The following ZNF638 variants were observed in gnomAD, a reference collection of about 807,000 sequenced individuals.
ZNF638 encodes CTCL tumor antigen se33-1.
Under a neutral mutation model 195.6 loss-of-function variants are expected in ZNF638, and 46 were observed. The observed-to-expected ratio is 0.24, with a 90% CI of 0.19 to 0.30. The LOEUF (loss-of-function observed/expected upper bound fraction) is 0.30, where lower values mean the gene tolerates loss of function less well. ZNF638 is among the 10% of genes least tolerant of loss of function. The pLI is 1.00. For missense variants in ZNF638, 2,440 were observed against 2,325.3 expected, an observed-to-expected ratio of 1.05 and a Z score of -1.01; for synonymous variants, 845 against 772.0, an observed-to-expected ratio of 1.09 and a Z score of -1.57.
intron 3 of ZNF638, among the ~76,000 whole-genome samples, chr2:71,357,604 C>T (rs547709993): frequency 3.3e-5 from 5 of 152,208 alleles, no homozygotes; most frequent in African/African-American, 1.2e-4. Context: ...AGGATTATAG[C>T]TACGTTAATT....
intron 2 of ZNF638, among the ~76,000 whole-genome samples, chr2:71,353,641 T>C (rs1558836684): frequency 6.6e-6 from 1 of 152,164 alleles, no homozygotes; most frequent in Non-Finnish European, 1.5e-5. Flanking sequence ...GAGAAGAGTA[T>C]ATCTTAAATA....
At chr2:71,398,080 T>C (rs2079931612) in intron 11 of ZNF638, among the ~76,000 whole-genome samples, 1 of 152,210 alleles carries the variant, frequency 6.6e-6, no homozygotes, top group Non-Finnish European at 1.5e-5. Context: ...ATTTTGCTTC[T>C]AGTTGATCCA....
At chr2:71,381,820 C>T (rs2079539523) in intron 10 of ZNF638, among the ~76,000 whole-genome samples, 1 of 151,994 alleles carries the variant, frequency 6.6e-6, no homozygotes, top group South Asian at 2.1e-4. Context: ...AAGTACACTC[C>T]ATTTTTTCTG....
At chr2:71,400,881 T>TA (rs1452299871) in intron 15 of ZNF638, among the ~76,000 whole-genome samples, 8 of 152,196 alleles carry the variant, frequency 5.3e-5, no homozygotes, top group Non-Finnish European at 1.5e-5. Flanking sequence ...GGAGATATGT[T>TA]AATGGTTAGA....
chr2:71,352,101 A>G (rs1201868844), intron 2 of ZNF638, among the ~76,000 whole-genome samples: 1 of 152,154 alleles, frequency 6.6e-6, no homozygotes, highest in Non-Finnish European at 1.5e-5. Flanking sequence ...GTCTGTCTTG[A>G]CTAGAATGAT....
chr2:71,354,736 A>G (rs1237205411), intron 2 of ZNF638, among the ~76,000 whole-genome samples: 1 of 1,716 alleles, frequency 5.8e-4, no homozygotes, highest in Non-Finnish European at 1.7e-3. Context: ...AAACTGTCTC[A>G]AAAAAAAAAG....
intron 1 of ZNF638, chr2:71,332,865 T>C (rs1573004943): frequency 6.6e-6 from 1 of 152,140 alleles, no homozygotes; most frequent in East Asian, 1.9e-4. Flanking sequence ...ATTGTAGTAG[T>C]TTAAAGGAGT....
In ZNF638 at chr2:71,350,190, G is replaced by A. The variant is rs749086176; in HGVS notation, c.1236G>A (p.Met412Ile). 6.2e-7 allele frequency: 1 copy of A among 1,611,510 alleles called. No individual in the cohort carries two copies. The highest frequency in any genetic ancestry group is 8.5e-7 in the Non-Finnish European group (1 of 1,180,014). Residue 412 changes from methionine (M) to isoleucine (I), a missense_variant, in exon 2 of 28, where the codon ATG (methionine) becomes ATA (isoleucine). Transcript: ENST00000264447. ...QKMKRLPTPS[M>I]MNDYYAASPR... ...TGAAGAGACTTCCAACTCCTTCTAT[G>A]ATGAATGATTATTATGCAGCATCTC...
chr2:71,406,313 T>A, intron 19 of ZNF638, 51 bp downstream of exon 19: 1 of 1,530,360 alleles, frequency 6.5e-7, no homozygotes, highest in Non-Finnish European at 9.0e-7. Flanking sequence ...GAATGTATAA[T>A]AACCCTGTAT....
At chr2:71,379,601 CT>C (rs1444343755) in intron 8 of ZNF638, 1 of 152,078 alleles carries the variant, frequency 6.6e-6, no homozygotes, top group Non-Finnish European at 1.5e-5. Context: ...AAAATGTTTC[CT>C]TTAAGTGAAA....
chr2:71,381,575 G>T (rs1015596605), intron 10 of ZNF638, among the ~76,000 whole-genome samples: 3 of 152,104 alleles, frequency 2.0e-5, no homozygotes, highest in African/African-American at 7.2e-5. Flanking sequence ...TCTATTGAAG[G>T]CCTTGAAGGG....
chr2:71,432,498 G>C (rs1243467622), intron 26 of ZNF638, among the ~76,000 whole-genome samples: 1 of 152,182 alleles, frequency 6.6e-6, no homozygotes, highest in Non-Finnish European at 1.5e-5. Flanking sequence ...ACTTCTCCCA[G>C]CCAGAGGTAT....
chr2:71,335,999 T>G (rs537572050), intron 1 of ZNF638, among the ~76,000 whole-genome samples: 105 of 152,330 alleles, frequency 6.9e-4, no homozygotes, highest in African/African-American at 2.3e-3. Flanking sequence ...AAGAAAAACT[T>G]TGCTTTTTAT....
chr2:71,367,719 G>A (rs146127261), intron 6 of ZNF638, among the ~76,000 whole-genome samples: 117 of 148,044 alleles, frequency 7.9e-4, no homozygotes, highest in African/African-American at 2.7e-3. Context: ...GATTACAGGC[G>A]TGAGCCACCA....
intron 10 of ZNF638, among the ~76,000 whole-genome samples, chr2:71,391,246 C>T (rs2079770127): frequency 6.6e-6 from 1 of 152,196 alleles, no homozygotes; most frequent in South Asian, 2.1e-4. Flanking sequence ...TGTGGCAATT[C>T]TTCAAGATAG....
intron 3 of ZNF638, among the ~76,000 whole-genome samples, chr2:71,360,260 A>AT (rs35889086): frequency 6.6e-6 from 1 of 152,126 alleles, no homozygotes; most frequent in South Asian, 2.1e-4. Context: ...ATCTTCATAC[A>AT]TTTTTTTCTG....
intron 8 of ZNF638, chr2:71,375,771 CAAAG>C (rs1284458547): frequency 2.6e-5 from 4 of 152,208 alleles, no homozygotes; most frequent in East Asian, 1.9e-4. Flanking sequence ...ATTTTGAAGG[CAAAG>C]AAAGCCTAGC....
chr2:71,346,005 A>G (rs888602713), intron 1 of ZNF638, among the ~76,000 whole-genome samples: 1 of 152,202 alleles, frequency 6.6e-6, no homozygotes, highest in African/African-American at 2.4e-5. Context: ...TTGTAATGCA[A>G]TGTTGGGCAC....
intron 25 of ZNF638, among the ~76,000 whole-genome samples, chr2:71,430,604 C>T (rs913174346): frequency 2.0e-5 from 3 of 152,204 alleles, no homozygotes; most frequent in Non-Finnish European, 2.9e-5. Flanking sequence ...ATTGTGCTTT[C>T]TCCATCTCTG....
Sources: allele counts gnomAD v4.1 joint callset (sites outside exome capture counted in the v4.1 genomes callset), GRCh38; gene constraint gnomAD v4.1.1; transcripts MANE v1.5; gene names NCBI Gene and HGNC (gene_info 2026-07-23, HGNC 2026-07-21).